The following DCC variants were observed in gnomAD, a reference collection of about 807,000 sequenced individuals.
The protein encoded by DCC is netrin receptor DCC.
A neutral mutation model predicts 172.5 loss-of-function variants in DCC; 58 were observed. The observed-to-expected ratio is 0.34, with a 90% confidence interval of 0.27 to 0.42. DCC has a LOEUF of 0.42. Among genes scored for constraint, DCC ranks in the 10% least tolerant of loss-of-function variants. The pLI is 1.00. For synonymous variants in DCC, 709 were observed against 644.5 expected (o/e 1.10, Z -1.52); for missense variants, 1,740 against 1,791.0 (o/e 0.97, Z 0.51).
At chr18:52,732,634 G>C (rs898886230) in intron 1 of DCC, among the ~76,000 whole-genome samples, 1 of 152,144 alleles carries the variant, frequency 6.6e-6, no homozygotes, top group African/African-American at 2.4e-5. Context: ...GCAGAAGAAA[G>C]TTTGCAGACC....
At chr18:53,437,606 A>AAAAAAGCTC (rs1568132115) in intron 22 of DCC, among the ~76,000 whole-genome samples, 20 of 147,130 alleles carry the variant, frequency 1.4e-4, no homozygotes, top group African/African-American at 5.0e-4. Context: ...AAAAAAAAAA[A>AAAAAAGCTC]AAAAGCTCAC....
At chr18:52,947,701 T>A (rs2040570532) in intron 5 of DCC, among the ~76,000 whole-genome samples, 1 of 152,172 alleles carries the variant, frequency 6.6e-6, no homozygotes, top group African/African-American at 2.4e-5. Flanking sequence ...GTTGACTACC[T>A]CTTATGGAAG....
At chr18:53,175,453 T>A (rs1484164052) in intron 8 of DCC, among the ~76,000 whole-genome samples, 2 of 151,994 alleles carry the variant, frequency 1.3e-5, no homozygotes, top group Non-Finnish European at 2.9e-5. Flanking sequence ...AAAATCTCCT[T>A]AAGCTGATAA....
At chr18:52,610,170 AAAAAAAAAATATATAT>A (rs2034233298) in intron 1 of DCC, among the ~76,000 whole-genome samples, 15 of 24,620 alleles carry the variant, frequency 6.1e-4, no homozygotes, top group Non-Finnish European at 9.7e-4. Context: ...AAAAAAAAAA[AAAAAAAAAATATATAT>A]ATATATATAT....
chr18:52,991,843 T>A (rs1001937812), intron 5 of DCC, among the ~76,000 whole-genome samples: 1 of 152,222 alleles, frequency 6.6e-6, no homozygotes, highest in African/African-American at 2.4e-5. Context: ...ATTTATGGTA[T>A]GCCAGGAACT....
intron 1 of DCC, among the ~76,000 whole-genome samples, chr18:52,375,288 C>T (rs543828479): frequency 6.6e-5 from 10 of 152,016 alleles, no homozygotes; most frequent in East Asian, 1.9e-4. Flanking sequence ...TCTGAGTGGA[C>T]GTGAACTTAA....
chr18:53,007,689 A>G (rs1186396258), intron 5 of DCC, among the ~76,000 whole-genome samples: 2 of 152,158 alleles, frequency 1.3e-5, no homozygotes, highest in East Asian at 3.8e-4. Context: ...CCAATATGTG[A>G]ACCAACATTT....
intron 6 of DCC, among the ~76,000 whole-genome samples, 200 bp from the exon 7 acceptor site, chr18:53,065,846 G>A (rs1205146336): frequency 6.6e-6 from 1 of 152,122 alleles, no homozygotes; most frequent in Non-Finnish European, 1.5e-5. Flanking sequence ...ACTGATGCCT[G>A]TGAATTCAGA....
intron 2 of DCC, among the ~76,000 whole-genome samples, chr18:52,764,947 A>T (rs2037220083): frequency 3.9e-5 from 6 of 152,150 alleles, no homozygotes. Flanking sequence ...CCATAGAAGA[A>T]TGAGAACTCT....
intron 7 of DCC, among the ~76,000 whole-genome samples, chr18:53,151,644 CAAAT>C (rs1483429258): frequency 1.3e-5 from 2 of 149,698 alleles, no homozygotes; most frequent in Admixed American, 7.0e-5. Context: ...CAATTAAAAA[CAAAT>C]AAATAAATGA....
chr18:53,351,337 G>A (rs1392261953), intron 15 of DCC, among the ~76,000 whole-genome samples: 177 of 11,566 alleles, frequency 0.015, 30 homozygotes, highest in African/African-American at 0.037. Flanking sequence ...TATATACAGT[G>A]TATATATATA....
chr18:52,469,137 A>G (rs1988874479), intron 1 of DCC, among the ~76,000 whole-genome samples: 1 of 152,122 alleles, frequency 6.6e-6, no homozygotes, highest in Non-Finnish European at 1.5e-5. Flanking sequence ...AGCTCACTGC[A>G]AACTCTGCCT....
chr18:53,203,851 T>C (rs1337776660), intron 9 of DCC, among the ~76,000 whole-genome samples: 1 of 152,202 alleles, frequency 6.6e-6, no homozygotes, highest in Non-Finnish European at 1.5e-5. Context: ...TGATTTTAGG[T>C]AACCATAGTG....
chr18:53,421,952 A>T (rs1382560492), intron 21 of DCC, among the ~76,000 whole-genome samples: 1 of 152,164 alleles, frequency 6.6e-6, no homozygotes, highest in African/African-American at 2.4e-5. Flanking sequence ...CAGATGTAGA[A>T]AAAGAGACAG....
chr18:53,274,585 C>T (rs889406882), intron 12 of DCC, among the ~76,000 whole-genome samples: 7 of 152,116 alleles, frequency 4.6e-5, no homozygotes. Context: ...GAAAACTGAA[C>T]ATATCTACTC....
At chr18:52,777,414 C>A (rs552932885) in intron 2 of DCC, among the ~76,000 whole-genome samples, 28 of 152,282 alleles carry the variant, frequency 1.8e-4, no homozygotes, top group Admixed American at 5.2e-4. Flanking sequence ...AATCACACTA[C>A]CTTCTCCTCC....
chr18:52,486,515 C>T (rs1252292497), intron 1 of DCC, among the ~76,000 whole-genome samples: 2 of 152,028 alleles, frequency 1.3e-5, no homozygotes, highest in African/African-American at 4.8e-5. Context: ...TGTGTGATAG[C>T]AAAGAAACAA....
chr18:53,023,415 A>C lies in DCC; in HGVS notation c.986-39890A>C, dbSNP rs1354825409. Among the ~76,000 whole-genome samples, 983 of 147,964 alleles carry C rather than the reference A, an allele frequency of 6.6e-3. 17 individuals carry two copies. The highest frequency in any genetic ancestry group is 0.012 in the Non-Finnish European group (784 of 66,560). The stretch of plus-strand genomic sequence containing the variant: ...ATAACTCAGACCAAAAAAAAAAAAA[A>C]AAAAAAAAAAAAAAGATTCTTCTTA... On this transcript the variant is annotated intron_variant, in intron 5 of 28. Coordinates refer to ENST00000442544, the MANE Select transcript of DCC (RefSeq NM_005215.4).
At chr18:52,633,218 G>A (rs1331780894) in intron 1 of DCC, among the ~76,000 whole-genome samples, 1 of 151,882 alleles carries the variant, frequency 6.6e-6, no homozygotes, top group Non-Finnish European at 1.5e-5. Context: ...TATCTTATTT[G>A]GGGCTCATCA....
Sources: allele counts gnomAD v4.1 joint callset (sites outside exome capture counted in the v4.1 genomes callset), GRCh38; gene constraint gnomAD v4.1.1; transcripts MANE v1.5; gene names NCBI Gene and HGNC (gene_info 2026-07-23, HGNC 2026-07-21).